PCDHA3: variants seen among roughly 807,000 people sequenced by gnomAD.
PCDHA3 encodes the protein protocadherin alpha-3.
A neutral mutation model predicts 62.2 loss-of-function variants in PCDHA3; 41 were observed. The ratio of observed to expected loss-of-function variants is 0.66; its 90% confidence interval spans 0.51 to 0.86. The LOEUF is 0.86. PCDHA3 is among the 40% of genes least tolerant of loss of function. The probability of loss-of-function intolerance (pLI) is 0.00; values close to 1 mark genes in which losing one functional copy is unlikely to be tolerated. For synonymous variants in PCDHA3, 640 were observed against 555.4 expected (o/e 1.15, Z -2.14); for missense variants, 1,304 against 1,241.2 (o/e 1.05, Z -0.76).
intron 1 of PCDHA3, among the ~76,000 whole-genome samples, chr5:140,923,958 T>C (rs1447655640): frequency 1.3e-5 from 2 of 152,216 alleles, no homozygotes; most frequent in Admixed American, 6.5e-5. Context: ...CACGCCCTAA[T>C]CTATACCCAC....
At chr5:140,961,975 C>T (rs1241757389) in intron 1 of PCDHA3, among the ~76,000 whole-genome samples, 1 of 152,034 alleles carries the variant, frequency 6.6e-6, no homozygotes, top group Non-Finnish European at 1.5e-5. Flanking sequence ...CCTCCGCCTC[C>T]TGGGTTCACG....
chr5:140,843,739 T>C (rs1554140396), intron 1 of PCDHA3: 2 of 1,538,164 alleles, frequency 1.3e-6, no homozygotes, highest in African/African-American at 2.7e-5. Context: ...AATTTAGAAC[T>C]CATAAATTCT....
intron 1 of PCDHA3, among the ~76,000 whole-genome samples, chr5:140,971,359 G>T (rs537725732): frequency 6.6e-5 from 10 of 152,312 alleles, no homozygotes; most frequent in Admixed American, 3.3e-4. Flanking sequence ...GGGAGATTTT[G>T]CCAGGAGAGT....
At chr5:140,927,288 C>T (rs917590577) in intron 1 of PCDHA3, 1 of 1,614,196 alleles carries the variant, frequency 6.2e-7, no homozygotes, top group Non-Finnish European at 8.5e-7. Context: ...TGCAGCTGCA[C>T]ATCCCCGAGT....
chr5:140,820,046 A>G (rs1554127780), intron 1 of PCDHA3, among the ~76,000 whole-genome samples: 1 of 151,978 alleles, frequency 6.6e-6, no homozygotes, highest in Non-Finnish European at 1.5e-5. Flanking sequence ...ATTTACTGTT[A>G]TATAATAGAA....
intron 1 of PCDHA3, among the ~76,000 whole-genome samples, chr5:140,942,138 T>C (rs1269073266): frequency 1.3e-5 from 2 of 152,240 alleles, no homozygotes; most frequent in African/African-American, 4.8e-5. Flanking sequence ...TTTGTGGCTT[T>C]ACTTGACATA....
chr5:140,823,842 G>A, intron 1 of PCDHA3: 2 of 1,613,848 alleles, frequency 1.2e-6, no homozygotes. Flanking sequence ...TGGGTCCCGA[G>A]GCTGCCCTGG....
intron 1 of PCDHA3, among the ~76,000 whole-genome samples, chr5:140,957,961 G>C (rs1188264296): frequency 6.6e-6 from 1 of 152,048 alleles, no homozygotes; most frequent in Non-Finnish European, 1.5e-5. Flanking sequence ...TATTAATTCA[G>C]AGATGCTGTA....
intron 1 of PCDHA3, among the ~76,000 whole-genome samples, chr5:140,953,877 ACCCATCAC>A (rs1252251050): frequency 6.6e-6 from 1 of 152,098 alleles, no homozygotes; most frequent in Non-Finnish European, 1.5e-5. Context: ...GCACAGATCA[ACCCATCAC>A]CTAGGTATTA....
chr5:140,836,745 C>T, intron 1 of PCDHA3: 1 of 1,588,116 alleles, frequency 6.3e-7, no homozygotes, highest in Non-Finnish European at 8.6e-7. Flanking sequence ...CAATGTGAGT[C>T]ATAAATAATC....
At chr5:140,866,470 A>T (rs955596608) in intron 1 of PCDHA3, 1 of 152,128 alleles carries the variant, frequency 6.6e-6, no homozygotes, top group Non-Finnish European at 1.5e-5. Flanking sequence ...AGCTCATAAC[A>T]ACTGACAAAT....
chr5:140,808,602 G>GC (rs782337586), intron 1 of PCDHA3: 30 of 1,613,888 alleles, frequency 1.9e-5, no homozygotes, highest in Non-Finnish European at 2.3e-5. Flanking sequence ...CCGCCGGGCT[G>GC]CCACATCTTC....
intron 1 of PCDHA3, chr5:140,869,893 C>T (rs375422597): frequency 6.2e-7 from 1 of 1,610,510 alleles, no homozygotes; most frequent in Admixed American, 1.7e-5. Flanking sequence ...TGTGCTCAAA[C>T]TAAACGCCAC....
In PCDHA3 at chr5:140,830,512, T is replaced by C. The variant is rs2150187372; in HGVS notation, c.2394+26921T>C. The C allele has an allele frequency of 1.4e-4, 192 of 1,383,570 alleles. 1 individual carries two copies. The highest frequency in any genetic ancestry group is 1.8e-4 in the Non-Finnish European group (187 of 1,037,940). The allele number at this position is 1,383,570 out of a possible 1,614,324, so 85.7% of individuals were successfully genotyped here. On this transcript the variant is annotated intron_variant, in intron 1 of 3. Coordinates refer to ENST00000522353, the MANE Select transcript of PCDHA3 (RefSeq NM_018906.3). ...TAAGTGAATTTTCATAATTAACAGTTAATTTTTATTTTAAATTTATAATTG... is the reference window on the plus strand; with the variant it reads ...TAAGTGAATTTTCATAATTAACAGTCAATTTTTATTTTAAATTTATAATTG...
chr5:140,824,171 C>A, intron 1 of PCDHA3: 1 of 1,610,416 alleles, frequency 6.2e-7, no homozygotes, highest in Non-Finnish European at 8.5e-7. Flanking sequence ...TCCCAATTTT[C>A]AAATATTAAA....
intron 1 of PCDHA3, chr5:140,968,520 C>A: frequency 6.2e-7 from 1 of 1,614,194 alleles, no homozygotes; most frequent in Non-Finnish European, 8.5e-7. Flanking sequence ...CCTACCTCAA[C>A]CAACTCGTCA....
rs141467715 is a variant in PCDHA3 at position 140,882,439 on chromosome 5, G to A, written c.2394+78848G>A. 19 of 1,613,928 alleles carry A rather than the reference G, an allele frequency of 1.2e-5. No individual in the cohort carries two copies. The African/African-American group carries it at 1.5e-4, about 12-fold the overall frequency. ...CTCAGGACCTGGGGCTGGAGCTGGC[G>A]GAGCTGGTGCCGCGCCTGTTCCGGG... is the stretch of plus-strand genomic sequence containing the variant. On this transcript the variant is annotated intron_variant, in intron 1 of 3. Transcript: ENST00000522353.
At chr5:141,006,222 T>C (rs1463720721) in intron 3 of PCDHA3, among the ~76,000 whole-genome samples, 1 of 152,098 alleles carries the variant, frequency 6.6e-6, no homozygotes, top group Non-Finnish European at 1.5e-5. Flanking sequence ...TTTTAAATTT[T>C]TTATTTTTAG....
At chr5:140,993,460 T>A (rs1416332490) in intron 3 of PCDHA3, among the ~76,000 whole-genome samples, 1 of 104,506 alleles carries the variant, frequency 9.6e-6, no homozygotes, top group Non-Finnish European at 1.9e-5. Context: ...CTTCTTTCTT[T>A]CTCACACACA....
Sources: gnomAD v4.1 joint callset for allele counts (sites outside exome capture counted in the v4.1 genomes callset) on GRCh38, gnomAD v4.1.1 for gene constraint, MANE v1.5 for transcripts, NCBI Gene and HGNC (gene_info 2026-07-23, HGNC 2026-07-21) for gene names.